Variants in TOP6BL observed in about 807,000 individuals in gnomAD.
TOP6BL encodes the protein type 2 DNA topoisomerase 6 subunit B-like.
At chr11:66,824,792 C>T in the TOP6BL span, among the ~76,000 whole-genome samples, 1 of 151,946 alleles carries the variant, frequency 6.6e-6, no homozygotes, top group East Asian at 1.9e-4. Context: ...TTTTTTATGG[C>T]TGCATAGTAT....
the TOP6BL span, among the ~76,000 whole-genome samples, chr11:66,764,033 T>C: frequency 1.3e-5 from 2 of 152,152 alleles, no homozygotes; most frequent in African/African-American, 4.8e-5. Flanking sequence ...CACTTAAAGG[T>C]AGTTATAGTA....
chr11:66,803,545 C>T, the TOP6BL span, among the ~76,000 whole-genome samples: 1 of 152,208 alleles, frequency 6.6e-6, no homozygotes, highest in African/African-American at 2.4e-5. Flanking sequence ...TCTCCTGCCT[C>T]AGCCTCCTGA....
At chr11:66,751,871 T>G in the TOP6BL span, among the ~76,000 whole-genome samples, 1 of 152,184 alleles carries the variant, frequency 6.6e-6, no homozygotes, top group African/African-American at 2.4e-5. Flanking sequence ...AATACTTATT[T>G]TATTTTCTGT....
the TOP6BL span, among the ~76,000 whole-genome samples, chr11:66,820,037 T>C: frequency 6.6e-6 from 1 of 151,948 alleles, no homozygotes; most frequent in African/African-American, 2.4e-5. Flanking sequence ...CAAGATCGTG[T>C]CACTGCACTC....
chr11:66,774,610 C>T, the TOP6BL span, among the ~76,000 whole-genome samples: 4 of 151,966 alleles, frequency 2.6e-5, no homozygotes, highest in East Asian at 1.9e-4. Context: ...CCCGCCACCA[C>T]GCCTGGCTAA....
chr11:66,780,903 A>G, the TOP6BL span, among the ~76,000 whole-genome samples: 20 of 152,242 alleles, frequency 1.3e-4, no homozygotes, highest in Middle Eastern at 6.8e-3. Flanking sequence ...TGTTTATGGT[A>G]AGAAGTCAGC....
At chr11:66,802,413 A>C in the TOP6BL span, among the ~76,000 whole-genome samples, 3 of 152,132 alleles carry the variant, frequency 2.0e-5, no homozygotes, top group Non-Finnish European at 4.4e-5. Context: ...TCGGTCTCCC[A>C]AAGTGCTGAG....
the TOP6BL span, among the ~76,000 whole-genome samples, chr11:66,769,980 T>G: frequency 1.3e-5 from 2 of 151,830 alleles, no homozygotes; most frequent in South Asian, 4.2e-4. Context: ...CTCCTGACCT[T>G]GTGATCCGCC....
the TOP6BL span, chr11:66,762,349 G>C: frequency 2.7e-6 from 1 of 377,030 alleles, no homozygotes; most frequent in Non-Finnish European, 4.8e-6. Context: ...TGTGGAAGCC[G>C]GCGACGCAGA....
the TOP6BL span, chr11:66,761,645 C>T: frequency 1.7e-6 from 2 of 1,172,092 alleles, no homozygotes; most frequent in South Asian, 1.3e-5. Flanking sequence ...CGGGGCTGTG[C>T]GAAGCTCCAC....
At chr11:66,822,690 G>C in the TOP6BL span, 7 of 1,502,236 alleles carry the variant, frequency 4.7e-6, no homozygotes, top group Middle Eastern at 1.7e-4. Flanking sequence ...TAGGAGATTG[G>C]GATTGGGGAT....
chr11:66,804,082 C>T, the TOP6BL span: 13 of 1,613,940 alleles, frequency 8.1e-6, no homozygotes, highest in Middle Eastern at 3.3e-4. Flanking sequence ...TCCCTGAAGA[C>T]GTGGCTGGCA....
the TOP6BL span, chr11:66,744,811 T>TGAGGAG: frequency 8.3e-7 from 1 of 1,205,798 alleles, no homozygotes; most frequent in Non-Finnish European, 1.1e-6. Flanking sequence ...AAGCCCGGGC[T>TGAGGAG]GAGGAGGGGG....
the TOP6BL span, among the ~76,000 whole-genome samples, chr11:66,830,056 C>A: frequency 0.011 from 1,649 of 152,242 alleles, 37 homozygotes; most frequent in African/African-American, 0.037. Context: ...ATCACTTTGA[C>A]CTAACTGGCA....
chr11:66,829,268 C>T, the TOP6BL span, among the ~76,000 whole-genome samples: 1 of 150,960 alleles, frequency 6.6e-6, no homozygotes, highest in Non-Finnish European at 1.5e-5. Flanking sequence ...TGCCTGTTGT[C>T]CCAGCTACTG....
the TOP6BL span, among the ~76,000 whole-genome samples, chr11:66,806,767 A>G: frequency 6.6e-6 from 1 of 152,168 alleles, no homozygotes; most frequent in African/African-American, 2.4e-5. Context: ...AAATAAAAAA[A>G]AAGAGAGAAC....
At chr11:66,770,105 C>G in the TOP6BL span, among the ~76,000 whole-genome samples, 1 of 151,980 alleles carries the variant, frequency 6.6e-6, no homozygotes, top group Non-Finnish European at 1.5e-5. Context: ...TTTTCCCTCT[C>G]CCTCCCTTGT....
chr11:66,827,418 G>T, the TOP6BL span, among the ~76,000 whole-genome samples: 1 of 152,014 alleles, frequency 6.6e-6, no homozygotes, highest in African/African-American at 2.4e-5. Context: ...TTATTACCCT[G>T]GTCCCCTTTA....
chr11:66,786,184 C>G, the TOP6BL span, among the ~76,000 whole-genome samples: 1 of 152,000 alleles, frequency 6.6e-6, no homozygotes, highest in Non-Finnish European at 1.5e-5. Flanking sequence ...TGTGATCCTA[C>G]TTACTCAGGA....
Sources: gnomAD v4.1 joint callset for allele counts (sites outside exome capture counted in the v4.1 genomes callset) on GRCh38, gnomAD v4.1.1 for gene constraint, MANE v1.5 for transcripts, NCBI Gene and HGNC (gene_info 2026-07-23, HGNC 2026-07-21) for gene names.